Variants in CNOT3 observed in about 807,000 individuals in gnomAD.
The protein encoded by CNOT3 is CCR4-associated factor 3.
CNOT3 carries 2 observed loss-of-function variants against 89.4 expected under a neutral mutation model. The observed-to-expected ratio is 0.02, with a 90% CI of 0.01 to 0.07. CNOT3 has a LOEUF of 0.07. Ranked by LOEUF, CNOT3 falls within the 10% of genes least tolerant of loss-of-function variation. CNOT3 has a pLI of 1.00. For synonymous variants in CNOT3, 486 were observed against 402.0 expected, an observed-to-expected ratio of 1.21 and a Z score of -2.50; for missense variants, 664 against 1,010.2, an observed-to-expected ratio of 0.66 and a Z score of 4.65.
chr19:54,144,171 G>A lies in CNOT3; in HGVS notation c.387+37G>A. 1 of 1,610,420 alleles carries A rather than the reference G, an allele frequency of 6.2e-7. No individual in the cohort carries two copies. The highest frequency in any genetic ancestry group is 1.3e-5 in the African/African-American group (1 of 74,956). On this transcript the variant is annotated intron_variant, in intron 6 of 17. Transcript: ENST00000221232. The surrounding 1 kb of genome is among the most constrained non-coding windows in gnomAD (Gnocchi z 4.8). ...TAGAGAAGAGGAGGTGAACTCTGAGGATCCTGAGCCCTGGGTGTAGGCGGA... is the reference window on the plus strand; with the variant it reads ...TAGAGAAGAGGAGGTGAACTCTGAGAATCCTGAGCCCTGGGTGTAGGCGGA...
At chr19:54,143,300 G>T (rs1017350190) in intron 3 of CNOT3, 114 bp downstream of exon 3, 2 of 924,806 alleles carry the variant, frequency 2.2e-6, no homozygotes, top group Non-Finnish European at 3.3e-6. Flanking sequence ...AGATGCTGAG[G>T]ACCTAAGAGA....
At position 54,145,561 on chromosome 19, in the gene CNOT3, C is replaced by T. The variant is rs768532413; in HGVS notation, c.484-37C>T. On this transcript the variant is annotated intron_variant, in intron 7 of 17. Coordinates refer to ENST00000221232, the MANE Select transcript of CNOT3 (RefSeq NM_014516.4). This position sits in a 1 kb window ranked among gnomAD's most constrained non-coding sequence, Gnocchi z 5.9. ...GGGCAGGAGGGGCCAAGCAGGTGCT[C>T]TGCAGCCCCTGAGCCTGGCCCTGGG... 1.0e-5 allele frequency: 15 copies of T among 1,464,456 alleles called. No homozygotes were observed. Among genetic ancestry groups the T allele is most frequent in the Middle Eastern group, 3.5e-4 (2 of 5,776 alleles). The allele number at this position is 1,464,456 out of a possible 1,614,324, so 90.7% of individuals were successfully genotyped here.
At position 54,152,874 on chromosome 19, in the gene CNOT3, C is replaced by G. The variant is rs979369710; in HGVS notation, c.1912C>G (p.Leu638Val). ...PSDSERIRQY[L>V]PRNPCPTPPY... ...TTCCTGTTGCTCTCACAGGCAGTACCTCCCCCGGAACCCCTGTCCGACGCC... is the reference window on the plus strand; with the variant it reads ...TTCCTGTTGCTCTCACAGGCAGTACGTCCCCCGGAACCCCTGTCCGACGCC... The change falls in exon 16 of 18, where the codon CTC (leucine) becomes GTC (valine). Residue 638 changes from leucine to valine, a missense_variant. By Grantham distance (32) the Leu-to-Val change is conservative. Around this residue, in one of 8 missense-constraint regions of CNOT3, gnomAD observed 545 missense variants for 566.2 expected, o/e 0.96. Transcript: ENST00000221232. The G allele has an allele frequency of 7.0e-6, 10 of 1,430,892 alleles. No individual in the cohort carries two copies. Among genetic ancestry groups the G allele is most frequent in the Non-Finnish European group, 9.7e-6 (10 of 1,033,754 alleles). 88.6% of individuals were successfully genotyped at this position (1,430,892 alleles called of 1,614,324 possible). A position where few individuals can be genotyped will look rare whatever the true frequency, so the allele number is the denominator to read the frequency against.
At chr19:54,153,031 C>A (rs373582265) in intron 16 of CNOT3, 32 bp downstream of exon 16, 3 of 1,585,162 alleles carry the variant, frequency 1.9e-6, no homozygotes, top group Non-Finnish European at 2.6e-6. Flanking sequence ...AGCCTCGGGC[C>A]CCCCGGCTTC....
intron 1 of CNOT3, among the ~76,000 whole-genome samples, chr19:54,139,111 G>T (rs1424031409): frequency 6.6e-6 from 1 of 152,178 alleles, no homozygotes; most frequent in Non-Finnish European, 1.5e-5. Context: ...GGCAGCACCA[G>T]CCCCTCTTTC....
chr19:54,149,495 CCT>C (rs752197901), intron 12 of CNOT3, 63 bp from the exon 13 acceptor site: 13 of 1,037,162 alleles, frequency 1.3e-5, no homozygotes, highest in Non-Finnish European at 1.8e-5. Flanking sequence ...TCCAGCCAGG[CCT>C]CTCTGCCCAT....
intron 9 of CNOT3, among the ~76,000 whole-genome samples, 187 bp downstream of exon 9, chr19:54,146,230 C>T (rs2074665926): frequency 6.6e-6 from 1 of 152,158 alleles, no homozygotes; most frequent in South Asian, 2.1e-4. Flanking sequence ...ACATAAAGAG[C>T]AATAGGGTGC....
At chr19:54,138,322 G>A (rs185623704) in intron 1 of CNOT3, among the ~76,000 whole-genome samples, 80 of 152,288 alleles carry the variant, frequency 5.3e-4, no homozygotes, top group Non-Finnish European at 9.0e-4. Flanking sequence ...AGGGTGCGAA[G>A]CCTCCCGGGC....
chr19:54,146,308 G>A (rs762378392), intron 9 of CNOT3, among the ~76,000 whole-genome samples: 2 of 152,220 alleles, frequency 1.3e-5, no homozygotes, highest in Non-Finnish European at 2.9e-5. Flanking sequence ...GCCTGAGGAG[G>A]CTGGGTAGCT....
At chr19:54,154,394 G>A (rs1186710043) in intron 17 of CNOT3, 8 of 227,580 alleles carry the variant, frequency 3.5e-5, no homozygotes, top group African/African-American at 1.6e-4. Context: ...CAAGTCACTC[G>A]AACCTCTGTG....
chr19:54,152,198 C>T, intron 13 of CNOT3, 28 bp from the exon 14 acceptor site: 1 of 1,612,226 alleles, frequency 6.2e-7, no homozygotes, highest in Non-Finnish European at 8.5e-7. Context: ...CCCAAGTGCT[C>T]AGGCCAGGCC....
chr19:54,146,522 C>T (rs966641520), intron 9 of CNOT3, 79 bp from the exon 10 acceptor site: 26 of 801,500 alleles, frequency 3.2e-5, no homozygotes, highest in African/African-American at 2.0e-4. Flanking sequence ...CCCAGGTCCC[C>T]GGGGCATTCA....
Position 54,145,975 on chromosome 19 carries a change from T to G in CNOT3, c.769T>G (p.Ser257Ala). 1 of 1,613,744 alleles carries G rather than the reference T, an allele frequency of 6.2e-7. No homozygotes were observed. Among genetic ancestry groups the G allele is most frequent in the Non-Finnish European group, 8.5e-7 (1 of 1,179,910 alleles). Residue 257 changes from serine to alanine, a missense_variant, in exon 9 of 18, where the codon TCC (serine) becomes GCC (alanine). By Grantham distance (99) the Ser-to-Ala change is moderately conservative. Coordinates refer to ENST00000221232, the MANE Select transcript of CNOT3 (RefSeq NM_014516.4). This position sits in a 1 kb window ranked among gnomAD's most constrained non-coding sequence, Gnocchi z 5.9. ...SHMEDEIFNQSSSTPTSTTSS... is the reference protein window; with the variant it reads ...SHMEDEIFNQASSTPTSTTSS... ...CATGGAGGATGAGATCTTCAACCAG[T>G]CCAGCAGCACGCCCACCTCAACCAC...
chr19:54,142,984 G>T lies in CNOT3; in HGVS notation c.6G>T (p.Ala2=), dbSNP rs145069026. 1 of 1,614,018 alleles carries T rather than the reference G, an allele frequency of 6.2e-7. No individual in the cohort carries two copies. Among genetic ancestry groups the T allele is most frequent in the Non-Finnish European group, 8.5e-7 (1 of 1,179,974 alleles). The part of the protein sequence containing the change: M[A]DKRKLQGEID... Reference sequence around the variant, plus strand: ...GCGTCTGTAGGGCAGGGAAGATGGCGGACAAGCGCAAACTCCAAGGTACTA... The same window carrying T: ...GCGTCTGTAGGGCAGGGAAGATGGCTGACAAGCGCAAACTCCAAGGTACTA... The change falls in exon 2 of 18, where the codon GCG becomes GCT. Residue 2 remains alanine, a synonymous_variant. Coordinates refer to ENST00000221232, the MANE Select transcript of CNOT3 (RefSeq NM_014516.4).
intron 13 of CNOT3, among the ~76,000 whole-genome samples, chr19:54,151,535 G>A (rs1600491405): frequency 6.6e-6 from 1 of 152,212 alleles, no homozygotes; most frequent in Admixed American, 6.5e-5. Flanking sequence ...GAGACAGGAT[G>A]GATAAGCCTT....
In CNOT3 at chr19:54,155,589, G is replaced by A. The variant is rs2075361179; in HGVS notation, c.*182G>A. The A allele has an allele frequency of 1.9e-6, 2 of 1,064,196 alleles. No individual in the cohort carries two copies. Among genetic ancestry groups the A allele is most frequent in the African/African-American group, 3.2e-5 (2 of 62,658 alleles). 65.9% of individuals were successfully genotyped at this position (1,064,196 alleles called of 1,614,324 possible). A position where few individuals can be genotyped will look rare whatever the true frequency, so the allele number is the denominator to read the frequency against. On this transcript the variant is annotated 3_prime_UTR_variant, in exon 18 of 18. Transcript: ENST00000221232. ...CCCACCCTGGGGGCCCGGGGGCGAG[G>A]GCTGCCCCCTCCTCCCCTCCCCAGT... is the stretch of plus-strand genomic sequence containing the variant.
rs2074951922 is a variant in CNOT3 at position 54,149,730 on chromosome 19, C to T, written c.1577C>T (p.Pro526Leu). 1.5e-5 allele frequency: 24 copies of T among 1,611,990 alleles called. No individual in the cohort carries two copies. Among genetic ancestry groups the T allele is most frequent in the Non-Finnish European group, 2.0e-5 (24 of 1,178,830 alleles). Reference sequence around the variant, plus strand: ...GCCGGTGCCCTGCTCAATGGGCCTCCACAGTTCAGCACCGCCCCAGAAATC... The same window carrying T: ...GCCGGTGCCCTGCTCAATGGGCCTCTACAGTTCAGCACCGCCCCAGAAATC... ...KAAGALLNGP[P>L]QFSTAPEIKA... Residue 526 changes from proline (P) to leucine (L), a missense_variant, in exon 13 of 18, where the codon CCA (proline) becomes CTA (leucine). Around this residue, in one of 8 missense-constraint regions of CNOT3, gnomAD observed 545 missense variants for 566.2 expected, o/e 0.96. Transcript: ENST00000221232.
intron 13 of CNOT3, among the ~76,000 whole-genome samples, chr19:54,150,745 C>T (rs779358847): frequency 2.0e-5 from 3 of 152,026 alleles, no homozygotes; most frequent in African/African-American, 7.3e-5. Flanking sequence ...AAATCATCCT[C>T]ATAAAGCTCT....
intron 13 of CNOT3, among the ~76,000 whole-genome samples, chr19:54,151,204 C>G (rs1404696096): frequency 1.3e-5 from 2 of 152,294 alleles, no homozygotes; most frequent in African/African-American, 4.8e-5. Context: ...ACACCACCAA[C>G]AACAAAAATG....
Sources: allele counts gnomAD v4.1 joint callset (sites outside exome capture counted in the v4.1 genomes callset), GRCh38; gene constraint gnomAD v4.1.1; regional missense constraint gnomAD v4.1.1; non-coding constraint Gnocchi (gnomAD v3.1); transcripts MANE v1.5; gene names NCBI Gene and HGNC (gene_info 2026-07-23, HGNC 2026-07-21).